The following NR3C2 variants were observed in gnomAD, a reference collection of about 807,000 sequenced individuals.
NR3C2 encodes the protein nuclear receptor subfamily 3 group C member 2.
In NR3C2, 15 loss-of-function variants were observed where a neutral mutation model predicts 86.4. The ratio of observed to expected loss-of-function variants is 0.17; its 90% CI spans 0.12 to 0.27. NR3C2 has a LOEUF of 0.27. Ranked by LOEUF, NR3C2 falls within the 10% of genes least tolerant of loss-of-function variation. The pLI is 1.00. For missense variants in NR3C2, 960 were observed against 1,195.6 expected (o/e 0.80, Z 2.91); for synonymous variants, 458 against 450.5 (o/e 1.02, Z -0.21).
rs199889429 is a variant in NR3C2, at chr4:148,114,206, G to A, written c.2697C>T (p.Tyr899=). The A allele has an allele frequency of 5.1e-5, 82 of 1,613,982 alleles. No individual in the cohort carries two copies. Among genetic ancestry groups the A allele is most frequent in the Middle Eastern group, 1.7e-4 (1 of 6,060 alleles). ...TTACCATCTTCCTCAGTTCTTTGATGTAATTTGTCCTCATTTCTTCAAATG... is the reference window on the plus strand; with the variant it reads ...TTACCATCTTCCTCAGTTCTTTGATATAATTTGTCCTCATTTCTTCAAATG... ...QAAFEEMRTN[Y]IKELRKMVTK... Residue 899 remains tyrosine, a synonymous_variant, in exon 8 of 9, where the codon TAC becomes TAT. Transcript: ENST00000358102.
At chr4:148,274,716 T>C (rs1228437765) in intron 2 of NR3C2, among the ~76,000 whole-genome samples, 2 of 150,386 alleles carry the variant, frequency 1.3e-5, no homozygotes, top group Admixed American at 1.3e-4. Context: ...TTTTTTTTTT[T>C]TTTTTTGAGA....
At chr4:148,286,678 A>G (rs1378324418) in intron 2 of NR3C2, among the ~76,000 whole-genome samples, 7 of 152,220 alleles carry the variant, frequency 4.6e-5, no homozygotes, top group Non-Finnish European at 1.0e-4. Context: ...GATGTTTTCT[A>G]AATAGTCACA....
intron 5 of NR3C2, among the ~76,000 whole-genome samples, chr4:148,153,513 G>T (rs1408566094): frequency 6.6e-6 from 1 of 152,134 alleles, no homozygotes; most frequent in African/African-American, 2.4e-5. Flanking sequence ...ATCTCCAGGG[G>T]CATCATGTTA....
At chr4:148,131,188 T>C (rs977498103) in intron 6 of NR3C2, among the ~76,000 whole-genome samples, 9 of 152,150 alleles carry the variant, frequency 5.9e-5, no homozygotes, top group Non-Finnish European at 1.3e-4. Flanking sequence ...TAGGAATGTG[T>C]GTGTGTTACA....
At position 148,081,293 on chromosome 4, in the gene NR3C2, G is replaced by A. The variant is rs755804417; in HGVS notation, c.*51C>T. The A allele has an allele frequency of 1.2e-6, 2 of 1,612,362 alleles. No individual in the cohort carries two copies. The highest frequency in any genetic ancestry group is 4.5e-5 in the East Asian group (2 of 44,898). ...CAGGTTTTCTTGGGTCCTTCTGGGT[G>A]TGGAACAACACAGGGAAACTTAAGG... On this transcript the variant is annotated 3_prime_UTR_variant, in exon 9 of 9. Coordinates refer to ENST00000358102, the MANE Select transcript of NR3C2 (RefSeq NM_000901.5).
At chr4:148,087,912 A>G (rs933194187) in intron 8 of NR3C2, among the ~76,000 whole-genome samples, 1 of 152,236 alleles carries the variant, frequency 6.6e-6, no homozygotes, top group African/African-American at 2.4e-5. Flanking sequence ...AAAAGAAACT[A>G]TCATCAGAGT....
At chr4:148,179,817 C>A (rs1480782000) in intron 4 of NR3C2, among the ~76,000 whole-genome samples, 1 of 151,716 alleles carries the variant, frequency 6.6e-6, no homozygotes, top group Non-Finnish European at 1.5e-5. Flanking sequence ...TGTAAAAACA[C>A]CAGTTGTTTA....
chr4:148,080,899 CAA>C lies in NR3C2; in HGVS notation c.*443_*444del. On this transcript the variant is annotated 3_prime_UTR_variant, in exon 9 of 9. Transcript: ENST00000358102. ...TTATTTTTTTGTGTTTTTTTAATAA[CAA>C]AAGAATATTAATGCCCCATATTGAC... The C allele has an allele frequency of 2.8e-6, 1 of 352,782 alleles. No individual in the cohort carries two copies. Among genetic ancestry groups the C allele is most frequent in the Non-Finnish European group, 5.8e-6 (1 of 172,326 alleles). The allele number at this position is 352,782 out of a possible 1,614,324, so 21.9% of individuals were successfully genotyped here.
chr4:148,157,784 C>T (rs1206485951), intron 4 of NR3C2, among the ~76,000 whole-genome samples: 1 of 152,250 alleles, frequency 6.6e-6, no homozygotes, highest in Admixed American at 6.5e-5. Flanking sequence ...ACAAATTTAA[C>T]GTAGAGTAGG....
intron 2 of NR3C2, among the ~76,000 whole-genome samples, chr4:148,286,690 C>A (rs576468860): frequency 6.6e-6 from 1 of 152,182 alleles, no homozygotes; most frequent in Admixed American, 6.5e-5. Context: ...ATAGTCACAG[C>A]CTTTTTTAAG....
intron 2 of NR3C2, among the ~76,000 whole-genome samples, chr4:148,302,890 G>A (rs1410023229): frequency 6.6e-6 from 1 of 150,766 alleles, no homozygotes; most frequent in Non-Finnish European, 1.5e-5. Flanking sequence ...GCAGGCCCAG[G>A]AACCACATGC....
intron 2 of NR3C2, among the ~76,000 whole-genome samples, chr4:148,398,390 C>G (rs1747969155): frequency 6.6e-6 from 1 of 152,172 alleles, no homozygotes; most frequent in Admixed American, 6.5e-5. Flanking sequence ...GAGGGCAGTA[C>G]ATTCTTTTGA....
chr4:148,145,652 G>C (rs553584328), intron 6 of NR3C2, among the ~76,000 whole-genome samples: 1 of 152,190 alleles, frequency 6.6e-6, no homozygotes, highest in East Asian at 1.9e-4. Flanking sequence ...CAGTGAGACC[G>C]GCAGCACTTG....
intron 1 of NR3C2, among the ~76,000 whole-genome samples, chr4:148,440,065 T>C (rs1750262423): frequency 6.6e-6 from 1 of 152,244 alleles, no homozygotes; most frequent in Admixed American, 6.5e-5. Context: ...TAAATTACTT[T>C]GTTTAAGGTA....
chr4:148,248,972 AT>A (rs72655211), intron 3 of NR3C2, among the ~76,000 whole-genome samples: 13 of 152,140 alleles, frequency 8.5e-5, no homozygotes, highest in African/African-American at 3.1e-4. Context: ...GAAGATTTTC[AT>A]TTTGTTTACA....
chr4:148,360,289 C>T (rs1745773228), intron 2 of NR3C2, among the ~76,000 whole-genome samples: 1 of 152,158 alleles, frequency 6.6e-6, no homozygotes, highest in Non-Finnish European at 1.5e-5. Flanking sequence ...ATGCTGTACA[C>T]ATGTTCTTTG....
chr4:148,162,672 G>A (rs757953116), intron 4 of NR3C2, among the ~76,000 whole-genome samples: 71 of 152,334 alleles, frequency 4.7e-4, no homozygotes, highest in African/African-American at 6.5e-4. Flanking sequence ...GCTGGACTGC[G>A]TCGCATGGGG....
At chr4:148,356,940 G>C (rs997249787) in intron 2 of NR3C2, among the ~76,000 whole-genome samples, 1 of 139,138 alleles carries the variant, frequency 7.2e-6, no homozygotes, top group East Asian at 2.0e-4. Context: ...TGTGTGTTAC[G>C]GGATGCTTTT....
chr4:148,246,394 ATATT>A, intron 3 of NR3C2, among the ~76,000 whole-genome samples: 1 of 152,346 alleles, frequency 6.6e-6, no homozygotes, highest in Non-Finnish European at 1.5e-5. Flanking sequence ...ACTGTAAAAA[ATATT>A]TAATACAGAG....
Sources: gnomAD v4.1 joint callset for allele counts (sites outside exome capture counted in the v4.1 genomes callset) on GRCh38, gnomAD v4.1.1 for gene constraint, MANE v1.5 for transcripts, NCBI Gene and HGNC (gene_info 2026-07-23, HGNC 2026-07-21) for gene names.